The following IL2RA variants were observed in gnomAD, a reference collection of about 807,000 sequenced individuals.
IL2RA encodes the protein interleukin 2 receptor subunit alpha.
A neutral mutation model predicts 37.8 loss-of-function variants in IL2RA; 24 were observed. That is an observed-to-expected ratio of 0.63 (90% CI 0.46 to 0.89). The LOEUF is 0.89. IL2RA is among the 40% of genes least tolerant of loss of function. The pLI, the probability that IL2RA is intolerant of heterozygous loss-of-function variation, is 0.00. For synonymous variants in IL2RA, 125 were observed against 114.6 expected (o/e 1.09, Z -0.58); for missense variants, 319 against 348.6 (o/e 0.92, Z 0.68).
At position 6,012,949 on chromosome 10, in the gene IL2RA, AT is replaced by A. The variant is rs12722599; in HGVS notation, c.795-54del. 0.11 allele frequency: 178,335 copies of A among 1,585,018 alleles called. 11,270 individuals carry two copies. The highest frequency in any genetic ancestry group is 0.14 in the Middle Eastern group (853 of 6,008). ...ATATGTGTAACACGGCACCAAAAAA[AT>A]GTGGTCCTCACTCTAAACCAGTGCA... On this transcript the variant is annotated intron_variant, in intron 7 of 7. Coordinates refer to ENST00000379959, the MANE Select transcript of IL2RA (RefSeq NM_000417.3). This position sits in a 1 kb window ranked among gnomAD's most constrained non-coding sequence, Gnocchi z 4.8.
chr10:6,021,826 T>C lies in IL2RA; in HGVS notation c.368-133A>G. On this transcript the variant is annotated intron_variant, in intron 3 of 7. Transcript: ENST00000379959. This position sits in a 1 kb window ranked among gnomAD's most constrained non-coding sequence, Gnocchi z 4.9. ...CTTGCTCATCCTTTCATTCAACCAA[T>C]ATATGTTGAGAACGTCTGAGCGTGG... 1.3e-6 allele frequency: 1 copy of C among 752,634 alleles called. No homozygotes were observed. The highest frequency in any genetic ancestry group is 1.7e-5 in the African/African-American group (1 of 58,314). 46.6% of individuals were successfully genotyped at this position (752,634 alleles called of 1,614,324 possible).
intron 1 of IL2RA, among the ~76,000 whole-genome samples, chr10:6,050,792 C>T (rs1411147959): frequency 6.6e-6 from 1 of 152,134 alleles, no homozygotes; most frequent in Non-Finnish European, 1.5e-5. Context: ...CAGTGCAGGA[C>T]GAGGAGGAGG....
chr10:6,060,745 A>G (rs1299159246), intron 1 of IL2RA, among the ~76,000 whole-genome samples: 1 of 151,796 alleles, frequency 6.6e-6, no homozygotes, highest in Non-Finnish European at 1.5e-5. Context: ...CAACAGAGTG[A>G]GACTCTGTCT....
At position 6,028,327 on chromosome 10, in the gene IL2RA, T is replaced by C. The variant is rs1217748026; in HGVS notation, c.65-2302A>G. Among the ~76,000 whole-genome samples, 1 of 152,220 alleles carries C rather than the reference T, an allele frequency of 6.6e-6. No individual in the cohort carries two copies. The highest frequency in any genetic ancestry group is 1.5e-5 in the Non-Finnish European group (1 of 68,030). ...GAACAGGGCAGAACTCAGTGAAACT[T>C]AGCCCTGATTGTCCATTGTGAGGGC... On this transcript the variant is annotated intron_variant, in intron 1 of 7. Coordinates refer to ENST00000379959, the MANE Select transcript of IL2RA (RefSeq NM_000417.3). This position sits in a 1 kb window ranked among gnomAD's most constrained non-coding sequence, Gnocchi z 4.1.
At position 6,054,465 on chromosome 10, in the gene IL2RA, C is replaced by T. The variant is rs757488335; in HGVS notation, c.64+7623G>A. Among the ~76,000 whole-genome samples, 6 of 152,192 alleles carry T rather than the reference C, an allele frequency of 3.9e-5. No individual in the cohort carries two copies. Among genetic ancestry groups the T allele is most frequent in the Non-Finnish European group, 8.8e-5 (6 of 68,028 alleles). On this transcript the variant is annotated intron_variant, in intron 1 of 7. Coordinates refer to ENST00000379959, the MANE Select transcript of IL2RA (RefSeq NM_000417.3). The surrounding 1 kb of genome is among the most constrained non-coding windows in gnomAD (Gnocchi z 4.5). Reference sequence around the variant, plus strand: ...CAGGGTTGAAGCTGGGGGAGAAGCACTCACATGCTGTCTGTCTGAGCAAAA... The same window carrying T: ...CAGGGTTGAAGCTGGGGGAGAAGCATTCACATGCTGTCTGTCTGAGCAAAA...
At position 6,025,227 on chromosome 10, in the gene IL2RA, A is replaced by G. The variant is rs1195732753; in HGVS notation, c.256+607T>C. On this transcript the variant is annotated intron_variant, in intron 2 of 7. Coordinates refer to ENST00000379959, the MANE Select transcript of IL2RA (RefSeq NM_000417.3). This position sits in a 1 kb window ranked among gnomAD's most constrained non-coding sequence, Gnocchi z 4.4. Reference sequence around the variant, plus strand: ...AAATTAGCCAGGCATGGTGGTGCACACCTGTAGTCCCAGCTACTTGGGCAG... The same window carrying G: ...AAATTAGCCAGGCATGGTGGTGCACGCCTGTAGTCCCAGCTACTTGGGCAG... Among the ~76,000 whole-genome samples the G allele has an allele frequency of 6.6e-6, 1 of 150,828 alleles. No individual in the cohort carries two copies. Among genetic ancestry groups the G allele is most frequent in the Non-Finnish European group, 1.5e-5 (1 of 67,710 alleles).
intron 1 of IL2RA, among the ~76,000 whole-genome samples, chr10:6,039,233 AG>A (rs1214377761): frequency 1.4e-4 from 21 of 152,388 alleles, no homozygotes; most frequent in African/African-American, 5.0e-4. Flanking sequence ...TCAATTCACC[AG>A]GAAAACATAA....
chr10:6,026,457 G>A (rs974991201), intron 1 of IL2RA, among the ~76,000 whole-genome samples: 1 of 152,166 alleles, frequency 6.6e-6, no homozygotes, highest in African/African-American at 2.4e-5. Context: ...TAATGACTGT[G>A]CGCCATTTTT....
Position 6,062,068 on chromosome 10 carries a change from G to T in IL2RA, c.64+20C>A, listed in dbSNP as rs1347852082. ...CCCATCAGCCTTCCCGGAATTCCGG[G>T]GGCACCCACAGGCCCTTACCTGCCT... On this transcript the variant is annotated intron_variant, in intron 1 of 7. Transcript: ENST00000379959. 2.5e-6 allele frequency: 4 copies of T among 1,609,246 alleles called. No individual in the cohort carries two copies. The South Asian group carries it at 3.3e-5, about 13-fold the overall frequency.
At chr10:6,017,346 G>C (rs1474386133) in intron 7 of IL2RA, among the ~76,000 whole-genome samples, 1 of 152,108 alleles carries the variant, frequency 6.6e-6, no homozygotes, top group Non-Finnish European at 1.5e-5. Context: ...TCCTCTATAG[G>C]TAGGGGCTGG....
chr10:6,022,102 G>C lies in IL2RA; in HGVS notation c.368-409C>G, dbSNP rs1839398142. Among the ~76,000 whole-genome samples, 1 of 152,046 alleles carries C rather than the reference G, an allele frequency of 6.6e-6. No homozygotes were observed. The highest frequency in any genetic ancestry group is 2.1e-4 in the South Asian group (1 of 4,816). The stretch of plus-strand genomic sequence containing the variant: ...AGTCTCAGCTGAGACACAAGGGTAG[G>C]CTCAAGCCTATTTGGGCCAATGGAG... On this transcript the variant is annotated intron_variant, in intron 3 of 7. Transcript: ENST00000379959. This position sits in a 1 kb window ranked among gnomAD's most constrained non-coding sequence, Gnocchi z 4.7.
At chr10:6,041,496 C>A (rs1010300176) in intron 1 of IL2RA, among the ~76,000 whole-genome samples, 13 of 152,004 alleles carry the variant, frequency 8.6e-5, no homozygotes, top group African/African-American at 3.1e-4. Context: ...AAAGGAAACT[C>A]AATCAATTTA....
chr10:6,049,552 C>T (rs560418766), intron 1 of IL2RA, among the ~76,000 whole-genome samples: 18 of 152,332 alleles, frequency 1.2e-4, no homozygotes, highest in African/African-American at 4.3e-4. Flanking sequence ...TTTCTACCTT[C>T]TTAACTCCTG....
intron 1 of IL2RA, among the ~76,000 whole-genome samples, chr10:6,052,073 G>A (rs1839972275): frequency 6.6e-6 from 1 of 151,632 alleles, no homozygotes; most frequent in Admixed American, 6.6e-5. Context: ...TAAAGGAATT[G>A]AAATACTCCC....
In IL2RA at chr10:6,012,647, T is replaced by G. The variant is rs866767255; in HGVS notation, c.*225A>C. 8.2e-6 allele frequency: 5 copies of G among 607,802 alleles called. No individual in the cohort carries two copies. The highest frequency in any genetic ancestry group is 2.9e-5 in the Admixed American group (1 of 34,716). The allele number at this position is 607,802 out of a possible 1,614,324, so 37.7% of individuals were successfully genotyped here. ...TTCCTCTTCAACGGCGAAATTGCTA[T>G]TTAGAAGTGGGTAGCGCTCGCTCTC... On this transcript the variant is annotated 3_prime_UTR_variant, in exon 8 of 8. Transcript: ENST00000379959. The surrounding 1 kb of genome is among the most constrained non-coding windows in gnomAD (Gnocchi z 4.8).
rs1265795934 is a variant in IL2RA, at chr10:6,057,618, T to A, written c.64+4470A>T. 4.6e-5 allele frequency among the ~76,000 whole-genome samples: 7 copies of A among 152,216 alleles called. No individual in the cohort carries two copies. The East Asian group carries it at 1.3e-3, about 29-fold the overall frequency. ...CTCCTCAGTGCTTTGGCCCACTTTC[T>A]GCTTCCTGCAAGGTTTATTTTCCTG... On this transcript the variant is annotated intron_variant, in intron 1 of 7. Transcript: ENST00000379959. This position sits in a 1 kb window ranked among gnomAD's most constrained non-coding sequence, Gnocchi z 4.8.
chr10:6,021,449 T>C lies in IL2RA; in HGVS notation c.583+29A>G, dbSNP rs776124635. ...GTCAGCCTGATGGAGCAAAGCAACA[T>C]TGTGGACCCCAGAAGGGAGCCACCC... On this transcript the variant is annotated intron_variant, in intron 4 of 7. Coordinates refer to ENST00000379959, the MANE Select transcript of IL2RA (RefSeq NM_000417.3). This position sits in a 1 kb window ranked among gnomAD's most constrained non-coding sequence, Gnocchi z 4.9. The C allele has an allele frequency of 1.0e-5, 16 of 1,583,754 alleles. No individual in the cohort carries two copies. The highest frequency in any genetic ancestry group is 2.2e-5 in the East Asian group (1 of 44,752).
chr10:6,024,359 A>C lies in IL2RA; in HGVS notation c.257-5T>G. 6.3e-7 allele frequency: 1 copy of C among 1,582,570 alleles called. No homozygotes were observed. Among genetic ancestry groups the C allele is most frequent in the South Asian group, 1.1e-5 (1 of 90,426 alleles). On this transcript the variant is annotated splice_polypyrimidine_tract_variant and splice_region_variant and intron_variant, in intron 2 of 7. Coordinates refer to ENST00000379959, the MANE Select transcript of IL2RA (RefSeq NM_000417.3). Reference sequence around the variant, plus strand: ...GTTTCGTTGTGTTCCGAGTGGCTAGAAAATATAGATGGAATGATGCAGATA... The same window carrying C: ...GTTTCGTTGTGTTCCGAGTGGCTAGCAAATATAGATGGAATGATGCAGATA...
rs1840042874 is a variant in IL2RA at position 6,056,172 on chromosome 10, A to G, written c.64+5916T>C. The stretch of plus-strand genomic sequence containing the variant: ...GGGGTATTCAGTGGGGGCTATTGGC[A>G]AACACTGTTGGCTGACTTCAGAATG... On this transcript the variant is annotated intron_variant, in intron 1 of 7. Coordinates refer to ENST00000379959, the MANE Select transcript of IL2RA (RefSeq NM_000417.3). This position sits in a 1 kb window ranked among gnomAD's most constrained non-coding sequence, Gnocchi z 5.0. Among the ~76,000 whole-genome samples the G allele has an allele frequency of 6.6e-6, 1 of 152,230 alleles. No homozygotes were observed. The highest frequency in any genetic ancestry group is 6.5e-5 in the Admixed American group (1 of 15,282).
Sources: gnomAD v4.1 joint callset for allele counts (sites outside exome capture counted in the v4.1 genomes callset) on GRCh38, gnomAD v4.1.1 for gene constraint, Gnocchi (gnomAD v3.1) non-coding constraint, MANE v1.5 for transcripts, NCBI Gene and HGNC (gene_info 2026-07-23, HGNC 2026-07-21) for gene names.